Variants in ARHGEF1 observed in about 807,000 individuals in gnomAD.
The protein encoded by ARHGEF1 is 115 kDa guanine nucleotide exchange factor.
In ARHGEF1, 40 loss-of-function variants were observed where a neutral mutation model predicts 119.7. That is an observed-to-expected ratio of 0.33 (90% CI 0.26 to 0.44). The LOEUF is 0.44. Ranked by LOEUF, ARHGEF1 falls within the 20% of genes least tolerant of loss-of-function variation. The probability of loss-of-function intolerance (pLI) is 1.00; values close to 1 mark genes in which losing one functional copy is unlikely to be tolerated. For synonymous variants in ARHGEF1, 494 were observed against 521.0 expected, an observed-to-expected ratio of 0.95 and a Z score of 0.71; for missense variants, 976 against 1,268.3, an observed-to-expected ratio of 0.77 and a Z score of 3.50.
At chr19:41,886,740 TTTA>T (rs2074299325) in intron 1 of ARHGEF1, among the ~76,000 whole-genome samples, 1 of 152,230 alleles carries the variant, frequency 6.6e-6, no homozygotes, top group South Asian at 2.1e-4. Flanking sequence ...AGCATCATTG[TTTA>T]ATCATCAAAA....
At position 41,888,281 on chromosome 19, in the gene ARHGEF1, G is replaced by A. The variant is rs1346054113; in HGVS notation, c.111+3G>A. ...ATTTTGAGAACGAGCTGGAGACAGTGAGTGGGAGATAGGGTGGAAAAGCTC... is the reference window on the plus strand; with the variant it reads ...ATTTTGAGAACGAGCTGGAGACAGTAAGTGGGAGATAGGGTGGAAAAGCTC... On this transcript the variant is annotated splice_donor_region_variant and intron_variant, in intron 3 of 28. Coordinates refer to ENST00000354532, the MANE Select transcript of ARHGEF1 (RefSeq NM_004706.4). This position sits in a 1 kb window ranked among gnomAD's most constrained non-coding sequence, Gnocchi z 5.1. The A allele has an allele frequency of 6.2e-7, 1 of 1,613,678 alleles. No homozygotes were observed. Among genetic ancestry groups the A allele is most frequent in the Non-Finnish European group, 8.5e-7 (1 of 1,179,972 alleles).
At position 41,902,800 on chromosome 19, in the gene ARHGEF1, C is replaced by T; in HGVS notation, c.1640C>T (p.Pro547Leu). 2 of 1,612,986 alleles carry T rather than the reference C, an allele frequency of 1.2e-6. No individual in the cohort carries two copies. The highest frequency in any genetic ancestry group is 1.3e-5 in the African/African-American group (1 of 75,030). Residue 547 changes from proline (P) to leucine (L), a missense_variant, in exon 18 of 29, where the codon CCG (proline) becomes CTG (leucine). Coordinates refer to ENST00000354532, the MANE Select transcript of ARHGEF1 (RefSeq NM_004706.4). This position sits in a 1 kb window ranked among gnomAD's most constrained non-coding sequence, Gnocchi z 6.5. ...CAFVQEAESR[P>L]RCRRLQLKDM... ...TTCCCGCAGGAAGCTGAGAGCCGCC[C>T]GCGGTGCCGCCGCCTGCAGCTGAAG...
chr19:41,902,554 T>C lies in ARHGEF1; in HGVS notation c.1519T>C (p.Trp507Arg). 1 of 1,614,180 alleles carries C rather than the reference T, an allele frequency of 6.2e-7. No individual in the cohort carries two copies. Among genetic ancestry groups the C allele is most frequent in the Non-Finnish European group, 8.5e-7 (1 of 1,180,040 alleles). ...LARFDGAEGS[W>R]FQKISSRFCS... ...GTAGTTTGATGGTGCTGAGGGCTCC[T>C]GGTTCCAGAAAATCTCCTCCCGCTT... The change falls in exon 17 of 29, where the codon TGG (tryptophan) becomes CGG (arginine). Residue 507 changes from tryptophan (W) to arginine (R), a missense_variant. By Grantham distance (101) the Trp-to-Arg change is moderately radical. Around this residue, in one of 3 missense-constraint regions of ARHGEF1, gnomAD observed 286 missense variants for 506.8 expected, o/e 0.56. Coordinates refer to ENST00000354532, the MANE Select transcript of ARHGEF1 (RefSeq NM_004706.4). This position sits in a 1 kb window ranked among gnomAD's most constrained non-coding sequence, Gnocchi z 6.5.
chr19:41,889,071 A>AG lies in ARHGEF1; in HGVS notation c.225+207dup. 1 of 549,806 alleles carries AG rather than the reference A, an allele frequency of 1.8e-6. No individual in the cohort carries two copies. The highest frequency in any genetic ancestry group is 3.3e-6 in the Non-Finnish European group (1 of 306,650). The allele number at this position is 549,806 out of a possible 1,614,324, so 34.1% of individuals were successfully genotyped here. A position where few individuals can be genotyped will look rare whatever the true frequency, so the allele number is the denominator to read the frequency against. On this transcript the variant is annotated intron_variant, in intron 4 of 28. Coordinates refer to ENST00000354532, the MANE Select transcript of ARHGEF1 (RefSeq NM_004706.4). This position sits in a 1 kb window ranked among gnomAD's most constrained non-coding sequence, Gnocchi z 4.0. ...CAACAGGCTTACAAGTGCCCAGGGT[A>AG]GATCTCAGTGCGCAGCGGGCAGGGT...
In ARHGEF1 at chr19:41,907,188, CG is replaced by C. The variant is rs1252454396; in HGVS notation, c.*102del. On this transcript the variant is annotated 3_prime_UTR_variant, in exon 29 of 29. Coordinates refer to ENST00000354532, the MANE Select transcript of ARHGEF1 (RefSeq NM_004706.4). ...ACAGCTGCCGCAGCATCTCACACCC[CG>C]AGGGCCTGAGGAGAGGGAGCTGTGG... is the stretch of plus-strand genomic sequence containing the variant. The C allele has an allele frequency of 2.0e-6, 3 of 1,526,372 alleles. No individual in the cohort carries two copies. Among genetic ancestry groups the C allele is most frequent in the East Asian group, 2.5e-5 (1 of 40,810 alleles). 94.6% of individuals were successfully genotyped at this position (1,526,372 alleles called of 1,614,324 possible).
In ARHGEF1 at chr19:41,888,370, T is replaced by C. The variant is rs16975619; in HGVS notation, c.111+92T>C. On this transcript the variant is annotated intron_variant, in intron 3 of 28. Coordinates refer to ENST00000354532, the MANE Select transcript of ARHGEF1 (RefSeq NM_004706.4). The surrounding 1 kb of genome is among the most constrained non-coding windows in gnomAD (Gnocchi z 5.1). ...CCTGCAGATGCTGTCTTCTTGGCCT[T>C]TTCCCACGGTCTGTCTCATCCTCTC... 0.056 allele frequency: 72,944 copies of C among 1,298,472 alleles called. 15,420 individuals carry two copies. In the African/African-American group the frequency reaches 0.63, roughly 11 times the overall value. 80.4% of individuals were successfully genotyped at this position (1,298,472 alleles called of 1,614,324 possible). A position where few individuals can be genotyped will look rare whatever the true frequency, so the allele number is the denominator to read the frequency against.
rs146312667 is a variant in ARHGEF1, at chr19:41,905,375, G to A, written c.2336+114G>A. On this transcript the variant is annotated intron_variant, in intron 24 of 28. Coordinates refer to ENST00000354532, the MANE Select transcript of ARHGEF1 (RefSeq NM_004706.4). The surrounding 1 kb of genome is among the most constrained non-coding windows in gnomAD (Gnocchi z 6.4). Reference sequence around the variant, plus strand: ...TGTGTGAGCATGCACATGTGTGAATGCATGTGTGTGCATACATGTGTGTCT... The same window carrying A: ...TGTGTGAGCATGCACATGTGTGAATACATGTGTGTGCATACATGTGTGTCT... 16 of 875,512 alleles carry A rather than the reference G, an allele frequency of 1.8e-5. No individual in the cohort carries two copies. The African/African-American group carries it at 2.5e-4, about 14-fold the overall frequency. The allele number at this position is 875,512 out of a possible 1,614,324, so 54.2% of individuals were successfully genotyped here.
chr19:41,890,567 C>A (rs1394040547), intron 4 of ARHGEF1: 1 of 151,616 alleles, frequency 6.6e-6, no homozygotes, highest in Non-Finnish European at 1.5e-5. Context: ...GATCACCCGA[C>A]GTCAGGAGTT....
upstream of ARHGEF1, among the ~76,000 whole-genome samples, chr19:41,921,319 T>C (rs117702841): frequency 3.6e-4 from 54 of 150,886 alleles, no homozygotes; most frequent in East Asian, 0.01. This position sits in a 1 kb window ranked among gnomAD's most constrained non-coding sequence, Gnocchi z 4.4. Flanking sequence ...GCGTGATACA[T>C]GGAGAACTGA....
upstream of ARHGEF1, among the ~76,000 whole-genome samples, chr19:41,918,598 A>T (rs1006757639): frequency 6.8e-6 from 1 of 147,688 alleles, no homozygotes; most frequent in Non-Finnish European, 1.5e-5. Flanking sequence ...TACACTACCC[A>T]TCACAGACAA....
At chr19:41,899,853 A>T (rs966618257) in intron 14 of ARHGEF1, among the ~76,000 whole-genome samples, 1 of 151,948 alleles carries the variant, frequency 6.6e-6, no homozygotes, top group African/African-American at 2.4e-5. Flanking sequence ...TGAAAAAGAT[A>T]CTTATTCAAA....
chr19:41,898,633 A>G, intron 14 of ARHGEF1, 46 bp downstream of exon 14: 1 of 1,537,540 alleles, frequency 6.5e-7, no homozygotes, highest in Non-Finnish European at 8.8e-7. Context: ...GACACAGTCC[A>G]GCTCTGGCAA....
At position 41,917,499 on chromosome 19, in the gene ARHGEF1, A is replaced by C. The variant is rs554843225; in HGVS notation, c.1866-5593A>C. On this transcript the variant is annotated intron_variant, in intron 18 of 20. Coordinates refer to the ARHGEF1 transcript ENST00000599589. The surrounding 1 kb of genome is among the most constrained non-coding windows in gnomAD (Gnocchi z 4.8). The stretch of plus-strand genomic sequence containing the variant: ...GGCCCCCCCATCCCCACCTCCCCTT[A>C]ACACAATCTGCACAATCGGAATGAA... Among the ~76,000 whole-genome samples, 3 of 124,768 alleles carry C rather than the reference A, an allele frequency of 2.4e-5. No individual in the cohort carries two copies. Among genetic ancestry groups the C allele is most frequent in the Non-Finnish European group, 4.8e-5 (3 of 61,976 alleles). The allele number at this position is 124,768 out of a possible 152,430, so 81.9% of individuals were successfully genotyped here.
intron 14 of ARHGEF1, among the ~76,000 whole-genome samples, chr19:41,900,353 C>T (rs1382174951): frequency 6.6e-6 from 1 of 152,112 alleles, no homozygotes; most frequent in African/African-American, 2.4e-5. Flanking sequence ...AAAAAAAGCA[C>T]TAAATACAAC....
intron 8 of ARHGEF1, 74 bp downstream of exon 8, chr19:41,893,377 T>A (rs2074410675): frequency 1.6e-6 from 2 of 1,256,518 alleles, no homozygotes; most frequent in Non-Finnish European, 2.1e-6. Context: ...GACTCCTGGG[T>A]CTGAGGGAGG....
At chr19:41,918,913 CCA>C (rs1172824486), upstream of ARHGEF1, among the ~76,000 whole-genome samples, 15 of 150,894 alleles carry the variant, frequency 9.9e-5, no homozygotes, top group Middle Eastern at 3.4e-3. Flanking sequence ...CACACATACA[CCA>C]CACACACATG....
At chr19:41,897,935 T>C (rs1412913120) in intron 13 of ARHGEF1, 2 of 1,300,282 alleles carry the variant, frequency 1.5e-6, no homozygotes, top group African/African-American at 1.5e-5. Context: ...GTCCTTGGCC[T>C]CGGGGTCCAG....
chr19:41,905,336 TC>T lies in ARHGEF1; in HGVS notation c.2336+77del. On this transcript the variant is annotated intron_variant, in intron 24 of 28. Transcript: ENST00000354532. This position sits in a 1 kb window ranked among gnomAD's most constrained non-coding sequence, Gnocchi z 6.4. ...GGCGGGGCAGGCTTCCCTCCACAAC[TC>T]CAGAACCGTCTCTGTGTGAGCATGC... 7.7e-7 allele frequency: 1 copy of T among 1,293,278 alleles called. No homozygotes were observed. Among genetic ancestry groups the T allele is most frequent in the South Asian group, 1.3e-5 (1 of 74,076 alleles). The allele number at this position is 1,293,278 out of a possible 1,614,324, so 80.1% of individuals were successfully genotyped here.
intron 9 of ARHGEF1, 41 bp from the exon 10 acceptor site, chr19:41,894,410 C>T (rs2074442671): frequency 1.3e-6 from 2 of 1,529,726 alleles, no homozygotes; most frequent in South Asian, 1.3e-5. Context: ...GTTGTTGTCT[C>T]AGAGATGCTT....
Sources: gnomAD v4.1 joint callset for allele counts (sites outside exome capture counted in the v4.1 genomes callset) on GRCh38, gnomAD v4.1.1 for gene constraint, gnomAD v4.1.1 regional missense constraint, Gnocchi (gnomAD v3.1) non-coding constraint, MANE v1.5 for transcripts, NCBI Gene and HGNC (gene_info 2026-07-23, HGNC 2026-07-21) for gene names.